Variants in MX1 observed in about 807,000 individuals in gnomAD.
MX1 encodes the protein MX dynamin like GTPase 1.
A neutral mutation model predicts 66.4 loss-of-function variants in MX1; 66 were observed. That is an observed-to-expected ratio of 0.99 (90% CI 0.82 to 1.22). The LOEUF (loss-of-function observed/expected upper bound fraction) is 1.22, where lower values mean the gene tolerates loss of function less well. MX1 is among the 50% of genes most tolerant of loss of function. MX1 has a pLI of 0.00. For synonymous variants in MX1, 311 were observed against 318.1 expected, an observed-to-expected ratio of 0.98 and a Z score of 0.24; for missense variants, 787 against 834.3, an observed-to-expected ratio of 0.94 and a Z score of 0.70.
intron 5 of MX1, among the ~76,000 whole-genome samples, chr21:41,435,303 A>G (rs904195375): frequency 4.6e-5 from 7 of 152,124 alleles, no homozygotes; most frequent in Non-Finnish European, 8.8e-5. Context: ...TATGGTTTTC[A>G]TTAAGTTTGA....
At chr21:41,422,681 T>G (rs1377640469), upstream of MX1, 1 of 152,162 alleles carries the variant, frequency 6.6e-6, no homozygotes, top group Non-Finnish European at 1.5e-5. Flanking sequence ...GTTCGTTTAA[T>G]AGAGCACACA....
chr21:41,423,196 C>G (rs1463713405), upstream of MX1: 1 of 152,920 alleles, frequency 6.5e-6, no homozygotes, highest in Non-Finnish European at 1.5e-5. Flanking sequence ...ACAGCGGACA[C>G]ACTGCCGGAT....
At position 41,448,873 on chromosome 21, in the gene MX1, C is replaced by T. The variant is rs144625793; in HGVS notation, c.1274-264C>T. Among the ~76,000 whole-genome samples, 673 of 151,762 alleles carry T rather than the reference C, an allele frequency of 4.4e-3. 4 individuals are homozygous for T. Among genetic ancestry groups the T allele is most frequent in the African/African-American group, 0.015 (635 of 41,372 alleles). The stretch of plus-strand genomic sequence containing the variant: ...CGTATGTGGGTTCCTGGCATCGTAC[C>T]TGGCTCTGCACTCCCCTTCCTGAGA... On this transcript the variant is annotated intron_variant, in intron 13 of 16. Coordinates refer to ENST00000398598, the MANE Select transcript of MX1 (RefSeq NM_002462.5).
chr21:41,421,015 G>A (rs1388977438), intron 1 of MX1, among the ~76,000 whole-genome samples: 1 of 152,222 alleles, frequency 6.6e-6, no homozygotes, highest in Non-Finnish European at 1.5e-5. Flanking sequence ...GGAGGATCCC[G>A]CCAGCCTCTG....
intron 5 of MX1, among the ~76,000 whole-genome samples, chr21:41,433,445 A>G (rs2090277928): frequency 6.6e-6 from 1 of 152,216 alleles, no homozygotes; most frequent in South Asian, 2.1e-4. Flanking sequence ...GGAGTGTGGT[A>G]TGTTCATGTA....
intron 11 of MX1, among the ~76,000 whole-genome samples, 200 bp downstream of exon 11, chr21:41,444,066 T>C (rs987245166): frequency 6.6e-6 from 1 of 152,152 alleles, no homozygotes; most frequent in Non-Finnish European, 1.5e-5. Context: ...GATATTCCTT[T>C]TCAGGGGACC....
At position 41,441,490 on chromosome 21, in the gene MX1, G is replaced by T. The variant is rs779773467; in HGVS notation, c.731-226G>T. 115 of 582,614 alleles carry T rather than the reference G, an allele frequency of 2.0e-4. 1 individual carries two copies. Among genetic ancestry groups the T allele is most frequent in the Non-Finnish European group, 2.2e-4 (72 of 326,014 alleles). The allele number at this position is 582,614 out of a possible 1,614,324, so 36.1% of individuals were successfully genotyped here. ...AGTGGACCCGGGTGAAGGAGCTTGG[G>T]GAGAGCCACATGCTGTTCTGGGAGG... On this transcript the variant is annotated intron_variant, in intron 9 of 16. Transcript: ENST00000398598. This position sits in a 1 kb window ranked among gnomAD's most constrained non-coding sequence, Gnocchi z 4.0.
upstream of MX1, among the ~76,000 whole-genome samples, chr21:41,424,434 C>T (rs2090026098): frequency 2.0e-5 from 3 of 152,178 alleles, no homozygotes; most frequent in Admixed American, 2.0e-4. Context: ...CTTGTAGGTG[C>T]AGCAGTATTG....
intron 16 of MX1, among the ~76,000 whole-genome samples, chr21:41,458,320 T>G (rs76631384): frequency 2.6e-5 from 4 of 152,210 alleles, no homozygotes; most frequent in African/African-American, 9.6e-5. Flanking sequence ...ATATGACTCA[T>G]AGCTGGGACA....
At chr21:41,433,052 C>T (rs929833559) in intron 5 of MX1, among the ~76,000 whole-genome samples, 28 of 152,314 alleles carry the variant, frequency 1.8e-4, no homozygotes, top group African/African-American at 3.4e-4. Context: ...CTCATACTTG[C>T]GTGCTTTGGA....
chr21:41,450,515 T>C (rs1335888337), intron 14 of MX1, among the ~76,000 whole-genome samples: 1 of 152,178 alleles, frequency 6.6e-6, no homozygotes, highest in African/African-American at 2.4e-5. Context: ...GATAATCATA[T>C]ACCAAAACCT....
intron 13 of MX1, among the ~76,000 whole-genome samples, chr21:41,446,831 C>A (rs1352741225): frequency 6.6e-6 from 1 of 152,164 alleles, no homozygotes; most frequent in Non-Finnish European, 1.5e-5. Context: ...TTAGGGGACA[C>A]CAACATGTAG....
chr21:41,449,323 T>C (rs1601528873), intron 14 of MX1, 28 bp downstream of exon 14: 1 of 1,587,430 alleles, frequency 6.3e-7, no homozygotes, highest in Non-Finnish European at 8.6e-7. Flanking sequence ...CCTCTGAGCA[T>C]TGATTTCTAA....
At chr21:41,432,018 ATC>A in intron 4 of MX1, 30 bp from the exon 5 acceptor site, 1 of 1,582,380 alleles carries the variant, frequency 6.3e-7, no homozygotes, top group Non-Finnish European at 8.7e-7. Flanking sequence ...CCAGCTGCTT[ATC>A]TGTTCAATAG....
intron 8 of MX1, among the ~76,000 whole-genome samples, chr21:41,440,123 G>A (rs770190655): frequency 2.0e-5 from 3 of 152,174 alleles, no homozygotes; most frequent in Non-Finnish European, 4.4e-5. Context: ...GCAATGACTT[G>A]TTTTTGGTTA....
intron 6 of MX1, among the ~76,000 whole-genome samples, chr21:41,436,786 A>C (rs2090374621): frequency 6.6e-6 from 1 of 152,216 alleles, no homozygotes; most frequent in Admixed American, 6.5e-5. Flanking sequence ...GGTGGCTTTC[A>C]AGCGTTAGTA....
Position 41,449,297 on chromosome 21 carries a change from T to C in MX1, c.1432+2T>C, listed in dbSNP as rs1310815615. The C allele has an allele frequency of 6.2e-7, 1 of 1,606,506 alleles. No individual in the cohort carries two copies. Among genetic ancestry groups the C allele is most frequent in the Admixed American group, 1.7e-5 (1 of 58,296 alleles). On this transcript the variant is annotated splice_donor_variant, in intron 14 of 16. Coordinates refer to ENST00000398598, the MANE Select transcript of MX1 (RefSeq NM_002462.5). LOFTEE classifies it high-confidence loss of function. ...TGGATATGCTACACACCGTGACGGGTGAGTGCTCAGTTTCACCTCTGAGCA... is the reference window on the plus strand; with the variant it reads ...TGGATATGCTACACACCGTGACGGGCGAGTGCTCAGTTTCACCTCTGAGCA...
At chr21:41,445,870 C>A in intron 12 of MX1, 130 bp from the exon 13 acceptor site, 1 of 1,194,136 alleles carries the variant, frequency 8.4e-7, no homozygotes, top group Admixed American at 2.6e-5. Context: ...TCTTCTTTCC[C>A]CTGATCCACA....
upstream of MX1, among the ~76,000 whole-genome samples, chr21:41,425,580 C>T (rs1344420289): frequency 6.6e-6 from 1 of 152,168 alleles, no homozygotes; most frequent in African/African-American, 2.4e-5. Flanking sequence ...GGCCTGACAA[C>T]TATTACCTAT....
Sources: gnomAD v4.1 joint callset for allele counts (sites outside exome capture counted in the v4.1 genomes callset) on GRCh38, gnomAD v4.1.1 for gene constraint, Gnocchi (gnomAD v3.1) non-coding constraint, MANE v1.5 for transcripts, NCBI Gene and HGNC (gene_info 2026-07-23, HGNC 2026-07-21) for gene names.